The following GPLD1 variants were observed in gnomAD, a reference collection of about 807,000 sequenced individuals.
GPLD1 encodes phosphatidylinositol-glycan-specific phospholipase D.
In GPLD1, 84 loss-of-function variants were observed where a neutral mutation model predicts 112.6. The observed-to-expected ratio is 0.75, with a 90% CI of 0.63 to 0.89. The LOEUF (loss-of-function observed/expected upper bound fraction) is 0.89, where lower values mean the gene tolerates loss of function less well. Among genes scored for constraint, GPLD1 ranks in the 40% least tolerant of loss-of-function variants. The pLI is 0.00. For missense variants in GPLD1, 1,044 were observed against 1,051.5 expected, an observed-to-expected ratio of 0.99 and a Z score of 0.10; for synonymous variants, 386 against 403.8, an observed-to-expected ratio of 0.96 and a Z score of 0.53.
At chr6:24,437,318 T>G (rs1762611219) in intron 20 of GPLD1, 29 bp from the exon 21 acceptor site, 2 of 1,603,496 alleles carry the variant, frequency 1.2e-6, no homozygotes, top group Non-Finnish European at 1.7e-6. Flanking sequence ...CCTGCTGGCC[T>G]CACAGAAAGG....
In GPLD1 at chr6:24,428,076, G is replaced by T. The variant is rs369153289; in HGVS notation, c.*956C>A. On this transcript the variant is annotated 3_prime_UTR_variant, in exon 25 of 25. Coordinates refer to ENST00000230036, the MANE Select transcript of GPLD1 (RefSeq NM_001503.4). Reference sequence around the variant, plus strand: ...TGAACCTAAAATAAAAGTTAAAAAGGACTAAGTCACAAGTGATTTGGAATG... The same window carrying T: ...TGAACCTAAAATAAAAGTTAAAAAGTACTAAGTCACAAGTGATTTGGAATG... 6.6e-6 allele frequency: 1 copy of T among 151,256 alleles called. No individual in the cohort carries two copies. Among genetic ancestry groups the T allele is most frequent in the Non-Finnish European group, 1.5e-5 (1 of 67,922 alleles). 9.4% of individuals were successfully genotyped at this position (151,256 alleles called of 1,614,324 possible). A position where few individuals can be genotyped will look rare whatever the true frequency, so the allele number is the denominator to read the frequency against.
intron 20 of GPLD1, among the ~76,000 whole-genome samples, chr6:24,442,822 C>T (rs1730518055): frequency 6.6e-6 from 1 of 151,994 alleles, no homozygotes; most frequent in African/African-American, 2.4e-5. Context: ...CTCCAGTGAT[C>T]CTCCTGCCTT....
At position 24,462,797 on chromosome 6, in the gene GPLD1, T is replaced by C. The variant is rs969027452; in HGVS notation, c.822-2A>G. On this transcript the variant is annotated splice_acceptor_variant, in intron 10 of 24. Coordinates refer to ENST00000230036, the MANE Select transcript of GPLD1 (RefSeq NM_001503.4). LOFTEE classifies it high-confidence loss of function. ...GGGTTCTCAGGCAGGTTGCAGTCAC[T>C]GAGGAAACAGTCAAATGAGTTAGCC... 3 of 1,607,494 alleles carry C rather than the reference T, an allele frequency of 1.9e-6. No individual in the cohort carries two copies. The highest frequency in any genetic ancestry group is 2.6e-6 in the Non-Finnish European group (3 of 1,173,954).
intron 7 of GPLD1, among the ~76,000 whole-genome samples, chr6:24,470,368 A>ATCC (rs1451418437): frequency 6.6e-6 from 1 of 152,208 alleles, no homozygotes; most frequent in Non-Finnish European, 1.5e-5. Context: ...TTCACAAGGT[A>ATCC]TCCTTTTGAA....
At chr6:24,494,242 C>CG (rs1764629963), upstream of GPLD1, among the ~76,000 whole-genome samples, 1 of 152,152 alleles carries the variant, frequency 6.6e-6, no homozygotes, top group Non-Finnish European at 1.5e-5. Context: ...TACGTTATCT[C>CG]ACAACAAAAT....
At chr6:24,432,284 C>T (rs1762429735) in intron 24 of GPLD1, among the ~76,000 whole-genome samples, 1 of 144,338 alleles carries the variant, frequency 6.9e-6, no homozygotes, top group Non-Finnish European at 1.5e-5. Context: ...GTGTGTGTAT[C>T]TCTGAAGCCA....
At position 24,436,731 on chromosome 6, in the gene GPLD1, T is replaced by C. The variant is rs1265159925; in HGVS notation, c.2203A>G (p.Ile735Val). 2 of 1,612,602 alleles carry C rather than the reference T, an allele frequency of 1.2e-6. No individual in the cohort carries two copies. The highest frequency in any genetic ancestry group is 2.2e-5 in the South Asian group (2 of 90,480). ...SDLDDDGLDE[I>V]IMAAPLRIAD... is the part of the protein sequence containing the mutation. ...ATCCTCAGGGGGGCTGCCATGATGA[T>C]TTCATCTGAAAACAATAAAAACCGA... Residue 735 changes from isoleucine to valine, a missense_variant, in exon 22 of 25, where the codon ATC (isoleucine) becomes GTC (valine). Physicochemically the swap from Ile to Val is conservative, Grantham distance 29. Coordinates refer to ENST00000230036, the MANE Select transcript of GPLD1 (RefSeq NM_001503.4).
Position 24,489,527 on chromosome 6 carries a change from C to G in GPLD1, c.-16G>C. ...AAGCAGACATGATCTCATTGCCCAC[C>G]GGCTTCTCTGGTGACGTGGGAATGC... is the stretch of plus-strand genomic sequence containing the variant. On this transcript the variant is annotated 5_prime_UTR_variant, in exon 1 of 25. Transcript: ENST00000230036. 1 of 1,613,906 alleles carries G rather than the reference C, an allele frequency of 6.2e-7. No homozygotes were observed. Among genetic ancestry groups the G allele is most frequent in the Non-Finnish European group, 8.5e-7 (1 of 1,179,858 alleles).
chr6:24,485,545 TAA>T (rs1393448097), intron 2 of GPLD1, among the ~76,000 whole-genome samples: 1 of 152,188 alleles, frequency 6.6e-6, no homozygotes, highest in Non-Finnish European at 1.5e-5. Context: ...GTGATATATA[TAA>T]GATACCTATA....
intron 2 of GPLD1, among the ~76,000 whole-genome samples, chr6:24,482,593 CT>C (rs1477146510): frequency 6.6e-6 from 1 of 151,964 alleles, no homozygotes; most frequent in Non-Finnish European, 1.5e-5. Context: ...TTTTTGTATT[CT>C]TTAGTAGAGA....
intron 20 of GPLD1, among the ~76,000 whole-genome samples, chr6:24,439,476 T>C (rs757961193): frequency 3.9e-5 from 6 of 152,176 alleles, no homozygotes; most frequent in Non-Finnish European, 5.9e-5. Flanking sequence ...AATTAATCAA[T>C]ACTCCCAAAT....
chr6:24,480,487 C>A (rs959489240), intron 2 of GPLD1, among the ~76,000 whole-genome samples: 4 of 147,660 alleles, frequency 2.7e-5, no homozygotes, highest in African/African-American at 7.8e-5. Flanking sequence ...CATACCTGGC[C>A]CACAGCTGGT....
At chr6:24,476,945 G>A (rs1472905797) in intron 3 of GPLD1, among the ~76,000 whole-genome samples, 4 of 151,936 alleles carry the variant, frequency 2.6e-5, no homozygotes, top group East Asian at 1.9e-4. Flanking sequence ...CAAAACTGCC[G>A]AGTTCAGATC....
chr6:24,475,570 C>T (rs11961792), intron 4 of GPLD1, among the ~76,000 whole-genome samples: 8,691 of 143,698 alleles, frequency 0.06, 825 homozygotes, highest in African/African-American at 0.2. Context: ...ACAGGCCGGG[C>T]GCAGTGGCTC....
At position 24,466,836 on chromosome 6, in the gene GPLD1, G is replaced by T. The variant is rs924942371; in HGVS notation, c.682-17C>A. On this transcript the variant is annotated splice_polypyrimidine_tract_variant and intron_variant, in intron 9 of 24. Coordinates refer to ENST00000230036, the MANE Select transcript of GPLD1 (RefSeq NM_001503.4). ...GGGATATAACTATGGCAGAGAGAAA[G>T]AAAAAATAAAATGAATATGGTACTA... The T allele has an allele frequency of 3.8e-6, 6 of 1,590,152 alleles. No homozygotes were observed. Among genetic ancestry groups the T allele is most frequent in the Non-Finnish European group, 5.2e-6 (6 of 1,159,298 alleles).
intron 7 of GPLD1, among the ~76,000 whole-genome samples, chr6:24,470,402 C>T (rs1394415247): frequency 1.3e-5 from 2 of 152,146 alleles, no homozygotes; most frequent in Non-Finnish European, 2.9e-5. Context: ...AACAATATAT[C>T]TTCAAAATCT....
intron 1 of GPLD1, among the ~76,000 whole-genome samples, chr6:24,488,806 G>A (rs983293671): frequency 3.9e-5 from 6 of 152,190 alleles, no homozygotes; most frequent in African/African-American, 1.2e-4. Context: ...CCTATATCCA[G>A]GATGACTCTG....
intron 10 of GPLD1, 103 bp from the exon 11 acceptor site, chr6:24,462,898 A>G: frequency 1.2e-6 from 1 of 854,348 alleles, no homozygotes; most frequent in South Asian, 1.4e-5. Context: ...AAAGGCTTAA[A>G]GTGTTTATTA....
At chr6:24,446,814 C>T (rs1437083588) in intron 18 of GPLD1, 24 bp downstream of exon 18, 1 of 1,609,574 alleles carries the variant, frequency 6.2e-7, no homozygotes, top group Non-Finnish European at 8.5e-7. Context: ...GTTCATGGTT[C>T]CCAGCCCCCA....
Sources: gnomAD v4.1 joint callset for allele counts (sites outside exome capture counted in the v4.1 genomes callset) on GRCh38, gnomAD v4.1.1 for gene constraint, MANE v1.5 for transcripts, NCBI Gene and HGNC (gene_info 2026-07-23, HGNC 2026-07-21) for gene names.